The following RALYL variants were observed in gnomAD, a reference collection of about 807,000 sequenced individuals.
The protein encoded by RALYL is RALY RNA binding protein like, also known as RNA-binding Raly-like protein.
RALYL carries 29 observed loss-of-function variants against 35.1 expected under a neutral mutation model. The observed-to-expected ratio is 0.83, with a 90% CI of 0.61 to 1.13. RALYL has a LOEUF of 1.13. Among genes scored for constraint, RALYL ranks in the 50% most tolerant of loss-of-function variants. The pLI is 0.00. For synonymous variants in RALYL, 120 were observed against 127.6 expected (o/e 0.94, Z 0.40); for missense variants, 359 against 360.4 (o/e 1.00, Z 0.03).
intron 1 of RALYL, among the ~76,000 whole-genome samples, chr8:84,329,150 G>A (rs1035764066): frequency 6.6e-6 from 1 of 152,092 alleles, no homozygotes; most frequent in African/African-American, 2.4e-5. Flanking sequence ...TCAAATGGGA[G>A]TTCTGTTTTA....
intron 2 of RALYL, among the ~76,000 whole-genome samples, chr8:84,530,682 T>C (rs1304725524): frequency 1.3e-5 from 2 of 152,152 alleles, no homozygotes; most frequent in African/African-American, 4.8e-5. Context: ...TGCCAGAGTG[T>C]CTTTTAAAAA....
chr8:84,673,552 G>C (rs188103598), intron 2 of RALYL, among the ~76,000 whole-genome samples: 1 of 152,046 alleles, frequency 6.6e-6, no homozygotes, highest in South Asian at 2.1e-4. Context: ...GTTGATTTTT[G>C]TATATGATGT....
chr8:84,672,530 C>T (rs938758938), intron 2 of RALYL, among the ~76,000 whole-genome samples: 2 of 152,238 alleles, frequency 1.3e-5, no homozygotes, highest in African/African-American at 2.4e-5. Context: ...TGTATTAGTC[C>T]ATTTTCATAT....
Position 84,184,217 on chromosome 8 carries a change from A to C in RALYL, c.-231A>C, listed in dbSNP as rs1015580507. ...ATTAACTATGACTTTTGCACATTTG[A>C]CTTTTTTAAAAAACCGAGATAATTT... is the stretch of plus-strand genomic sequence containing the variant. On this transcript the variant is annotated 5_prime_UTR_variant, in exon 1 of 9. Transcript: ENST00000521268. 1 of 151,922 alleles carries C rather than the reference A, an allele frequency of 6.6e-6. No homozygotes were observed. Among genetic ancestry groups the C allele is most frequent in the African/African-American group, 2.4e-5 (1 of 41,330 alleles). The allele number at this position is 151,922 out of a possible 1,614,324, so 9.4% of individuals were successfully genotyped here.
intron 1 of RALYL, among the ~76,000 whole-genome samples, chr8:84,407,652 T>C (rs1441953367): frequency 6.6e-6 from 1 of 152,082 alleles, no homozygotes; most frequent in Non-Finnish European, 1.5e-5. Flanking sequence ...TAGATGGGTT[T>C]GAGGAAAACA....
intron 3 of RALYL, among the ~76,000 whole-genome samples, chr8:84,799,198 T>C (rs1282849865): frequency 6.6e-6 from 1 of 152,022 alleles, no homozygotes; most frequent in Non-Finnish European, 1.5e-5. Flanking sequence ...GTGTGCAGTC[T>C]TAGGGGGAGC....
intron 3 of RALYL, among the ~76,000 whole-genome samples, chr8:84,797,551 T>C (rs900198348): frequency 3.9e-5 from 6 of 152,114 alleles, no homozygotes; most frequent in African/African-American, 1.4e-4. Context: ...AGCCACATTG[T>C]TTTTTTCTAC....
intron 6 of RALYL, among the ~76,000 whole-genome samples, chr8:84,872,043 C>T (rs1022399327): frequency 1.5e-4 from 23 of 151,792 alleles, no homozygotes; most frequent in Admixed American, 6.6e-5. Context: ...TATTAGAAAC[C>T]AGAAGGAAAA....
chr8:84,469,122 T>C (rs1459667278), intron 1 of RALYL, among the ~76,000 whole-genome samples: 2 of 152,212 alleles, frequency 1.3e-5, no homozygotes, highest in Non-Finnish European at 2.9e-5. Context: ...AATTTGATCG[T>C]CTGAAGCCTT....
chr8:84,872,397 A>T (rs989467948), intron 6 of RALYL: 4 of 152,168 alleles, frequency 2.6e-5, no homozygotes, highest in African/African-American at 9.7e-5. Flanking sequence ...AAAAATAAGG[A>T]CAGTGCAGTA....
At chr8:84,645,546 T>G (rs2131430212) in intron 2 of RALYL, among the ~76,000 whole-genome samples, 1 of 152,186 alleles carries the variant, frequency 6.6e-6, no homozygotes, top group South Asian at 2.1e-4. Flanking sequence ...TTAAGTTTTA[T>G]TTTTGTGAGA....
At chr8:84,395,757 G>A (rs1861631815) in intron 1 of RALYL, among the ~76,000 whole-genome samples, 1 of 151,690 alleles carries the variant, frequency 6.6e-6, no homozygotes, top group Admixed American at 6.6e-5. Context: ...TCTCTTTTTT[G>A]AAATAGATTG....
intron 3 of RALYL, among the ~76,000 whole-genome samples, chr8:84,784,440 A>G (rs538650922): frequency 4.3e-4 from 66 of 152,320 alleles, no homozygotes; most frequent in Non-Finnish European, 8.8e-4. Context: ...AAAGACATAT[A>G]AAATCATTTA....
chr8:84,382,599 T>A (rs1021347857), intron 1 of RALYL, among the ~76,000 whole-genome samples: 1 of 151,782 alleles, frequency 6.6e-6, no homozygotes, highest in Non-Finnish European at 1.5e-5. Flanking sequence ...AATTATTCAT[T>A]TCTATTTAAA....
Position 84,246,104 on chromosome 8 carries a change from A to G in RALYL, c.-24+61680A>G, listed in dbSNP as rs2131616014. Among the ~76,000 whole-genome samples the G allele has an allele frequency of 3.9e-5, 6 of 152,232 alleles. 1 individual carries two copies. The Middle Eastern group carries it at 0.021, about 521-fold the overall frequency. ...CTTTGGATAATTTCATAATTGGGTA[A>G]TTATGCCAAGAACACATGTGTACCC... On this transcript the variant is annotated intron_variant, in intron 1 of 8. Transcript: ENST00000521268.
intron 1 of RALYL, among the ~76,000 whole-genome samples, chr8:84,431,755 C>T (rs2132697964): frequency 6.6e-6 from 1 of 152,222 alleles, no homozygotes; most frequent in Non-Finnish European, 1.5e-5. Flanking sequence ...GAATAGCATT[C>T]CATTGTGTGT....
chr8:84,184,996 G>A (rs1812132362), intron 1 of RALYL: 2 of 1,613,784 alleles, frequency 1.2e-6, no homozygotes, highest in Non-Finnish European at 1.7e-6. Flanking sequence ...CCTCCTCTTC[G>A]CAATGAGTAA....
At chr8:84,898,159 T>A (rs563241765) in intron 8 of RALYL, among the ~76,000 whole-genome samples, 9 of 152,314 alleles carry the variant, frequency 5.9e-5, no homozygotes, top group Admixed American at 5.9e-4. Flanking sequence ...ACCAGCAGCA[T>A]CATATCATGT....
intron 2 of RALYL, among the ~76,000 whole-genome samples, chr8:84,619,290 A>G (rs950402054): frequency 3.3e-5 from 5 of 151,740 alleles, no homozygotes; most frequent in African/African-American, 1.2e-4. Context: ...TGTTGGGTGC[A>G]TATATATTTA....
Sources: allele counts gnomAD v4.1 joint callset (sites outside exome capture counted in the v4.1 genomes callset), GRCh38; gene constraint gnomAD v4.1.1; transcripts MANE v1.5; gene names NCBI Gene and HGNC (gene_info 2026-07-23, HGNC 2026-07-21).